HMCN1: variants seen among roughly 807,000 people sequenced by gnomAD.
HMCN1 encodes the protein hemicentin 1.
Under a neutral mutation model 625.9 loss-of-function variants are expected in HMCN1, and 321 were observed. The observed-to-expected ratio is 0.51, with a 90% CI of 0.47 to 0.56. The LOEUF (loss-of-function observed/expected upper bound fraction) is 0.56, where lower values mean the gene tolerates loss of function less well. HMCN1 is among the 20% of genes least tolerant of loss of function. The pLI is 0.00. For missense variants in HMCN1, 6,588 were observed against 6,887.3 expected (o/e 0.96, Z 1.54); for synonymous variants, 2,425 against 2,417.6 (o/e 1.00, Z -0.09).
chr1:186,016,328 A>G, intron 32 of HMCN1, 89 bp downstream of exon 32: 1 of 1,268,376 alleles, frequency 7.9e-7, no homozygotes, highest in African/African-American at 1.5e-5. Context: ...GCAATAATAA[A>G]ACAATCTAAA....
At chr1:185,800,890 G>T (rs1658748757) in intron 1 of HMCN1, among the ~76,000 whole-genome samples, 1 of 152,126 alleles carries the variant, frequency 6.6e-6, no homozygotes, top group South Asian at 2.1e-4. Context: ...TGTCAGCTAA[G>T]AAAGTAAACC....
At position 186,061,972 on chromosome 1, in the gene HMCN1, T is replaced by A; in HGVS notation, c.7426+8T>A. The A allele has an allele frequency of 6.5e-7, 1 of 1,542,034 alleles. No individual in the cohort carries two copies. Among genetic ancestry groups the A allele is most frequent in the Non-Finnish European group, 9.0e-7 (1 of 1,115,634 alleles). ...TTGGGCTTTCAGTATTAGGTACTTA[T>A]ATAGTTTGCAATATCTAGAAGAAAC... On this transcript the variant is annotated splice_region_variant and intron_variant, in intron 47 of 106. Transcript: ENST00000271588.
intron 1 of HMCN1, among the ~76,000 whole-genome samples, chr1:185,782,991 C>T (rs1317255378): frequency 4.6e-5 from 7 of 152,164 alleles, no homozygotes; most frequent in South Asian, 2.1e-4. Flanking sequence ...ACCAATCAGA[C>T]GCACATTTGG....
intron 15 of HMCN1, among the ~76,000 whole-genome samples, chr1:185,974,725 C>T (rs2101981475): frequency 6.6e-6 from 1 of 152,282 alleles, no homozygotes; most frequent in South Asian, 2.1e-4. Flanking sequence ...ATTGATGCTG[C>T]CTTGGCTGCT....
intron 42 of HMCN1, among the ~76,000 whole-genome samples, chr1:186,052,165 A>T (rs769768042): frequency 1.3e-5 from 2 of 151,952 alleles, no homozygotes; most frequent in Non-Finnish European, 2.9e-5. Context: ...AGAGAGAGAA[A>T]TAAATTGGTT....
At chr1:186,148,303 T>G (rs986911899) in intron 93 of HMCN1, among the ~76,000 whole-genome samples, 46 of 152,218 alleles carry the variant, frequency 3.0e-4, no homozygotes, top group African/African-American at 1.1e-3. Flanking sequence ...AGTTACTTCC[T>G]CCACTGAAGT....
At chr1:186,187,860 C>G in intron 105 of HMCN1, 23 bp from the exon 106 acceptor site, 1 of 1,613,424 alleles carries the variant, frequency 6.2e-7, no homozygotes, top group South Asian at 1.1e-5. Flanking sequence ...GCTGATGCTG[C>G]ATGTTCCCTG....
At chr1:185,907,768 G>C (rs1034328023) in intron 4 of HMCN1, among the ~76,000 whole-genome samples, 4 of 151,986 alleles carry the variant, frequency 2.6e-5, no homozygotes, top group Non-Finnish European at 5.9e-5. Flanking sequence ...CTAAGATCGT[G>C]TAAGTATGTG....
intron 36 of HMCN1, among the ~76,000 whole-genome samples, chr1:186,036,400 A>G (rs1182438576): frequency 1.3e-5 from 2 of 152,102 alleles, no homozygotes; most frequent in African/African-American, 4.8e-5. Flanking sequence ...ACAAGAGAAG[A>G]GAATGAAAGC....
At position 185,772,428 on chromosome 1, in the gene HMCN1, G is replaced by A. The variant is rs183119528; in HGVS notation, c.268+37381G>A. Among the ~76,000 whole-genome samples the A allele has an allele frequency of 8.1e-3, 1,227 of 152,214 alleles. 11 individuals carry two copies. Among genetic ancestry groups the A allele is most frequent in the Non-Finnish European group, 0.01 (705 of 68,012 alleles). On this transcript the variant is annotated intron_variant, in intron 1 of 106. Coordinates refer to ENST00000271588, the MANE Select transcript of HMCN1 (RefSeq NM_031935.3). Reference sequence around the variant, plus strand: ...GAGTGCTTCATAGTAGTAGTGCTAGGAGTTGCTGACAATTGAACATGGGTA... The same window carrying A: ...GAGTGCTTCATAGTAGTAGTGCTAGAAGTTGCTGACAATTGAACATGGGTA...
chr1:186,134,367 T>A (rs950583538), intron 86 of HMCN1, among the ~76,000 whole-genome samples: 1 of 152,192 alleles, frequency 6.6e-6, no homozygotes, highest in Non-Finnish European at 1.5e-5. Flanking sequence ...TATTTAGTCA[T>A]GTTGTCACTT....
intron 49 of HMCN1, among the ~76,000 whole-genome samples, chr1:186,065,633 C>G (rs1031013836): frequency 6.6e-6 from 1 of 152,140 alleles, no homozygotes; most frequent in Admixed American, 6.5e-5. Flanking sequence ...GTTCTAGGCA[C>G]AGTGTTTTGT....
chr1:185,787,982 C>T (rs530908455), intron 1 of HMCN1, among the ~76,000 whole-genome samples: 29 of 152,238 alleles, frequency 1.9e-4, no homozygotes, highest in African/African-American at 7.0e-4. Flanking sequence ...ATCTTCCACC[C>T]ATCCATCCCC....
At position 186,001,742 on chromosome 1, in the gene HMCN1, G is replaced by C. The variant is rs1653216382; in HGVS notation, c.4348+1G>C. On this transcript the variant is annotated splice_donor_variant, in intron 28 of 106. Transcript: ENST00000271588. LOFTEE classifies it high-confidence loss of function. Reference sequence around the variant, plus strand: ...AAGTACTTTAACATTGATGTGCTAGGTAAGAAATACATCCTTTTAAAAAAC... The same window carrying C: ...AAGTACTTTAACATTGATGTGCTAGCTAAGAAATACATCCTTTTAAAAAAC... The C allele has an allele frequency of 6.2e-7, 1 of 1,609,988 alleles. No homozygotes were observed. Among genetic ancestry groups the C allele is most frequent in the Non-Finnish European group, 8.5e-7 (1 of 1,176,940 alleles).
At chr1:185,841,247 T>A (rs1661461398) in intron 1 of HMCN1, among the ~76,000 whole-genome samples, 1 of 152,148 alleles carries the variant, frequency 6.6e-6, no homozygotes, top group Non-Finnish European at 1.5e-5. Context: ...AGACATTAGT[T>A]TTTTAAAAAT....
chr1:185,876,249 C>CT (rs1170395403), intron 4 of HMCN1, among the ~76,000 whole-genome samples: 5 of 152,036 alleles, frequency 3.3e-5, no homozygotes, highest in East Asian at 3.8e-4. Flanking sequence ...TGATTTCACT[C>CT]TTTTTTTATA....
chr1:185,889,650 G>C (rs1664917169), intron 4 of HMCN1, among the ~76,000 whole-genome samples: 1 of 138,296 alleles, frequency 7.2e-6, no homozygotes, highest in Non-Finnish European at 1.5e-5. Context: ...TTGCATCCCA[G>C]GGATGAAGCC....
At chr1:186,044,573 T>C (rs1656434886) in intron 40 of HMCN1, among the ~76,000 whole-genome samples, 1 of 152,178 alleles carries the variant, frequency 6.6e-6, no homozygotes, top group African/African-American at 2.4e-5. Flanking sequence ...CAATGGCTGA[T>C]AGACTATAAT....
intron 1 of HMCN1, among the ~76,000 whole-genome samples, chr1:185,743,353 T>C (rs551338618): frequency 5.3e-4 from 80 of 152,368 alleles, no homozygotes; most frequent in Middle Eastern, 6.8e-3. Flanking sequence ...TTTTTGGTGA[T>C]AATATATCTC....
Sources: gnomAD v4.1 joint callset for allele counts (sites outside exome capture counted in the v4.1 genomes callset) on GRCh38, gnomAD v4.1.1 for gene constraint, MANE v1.5 for transcripts, NCBI Gene and HGNC (gene_info 2026-07-23, HGNC 2026-07-21) for gene names.